The following RUFY2 variants were observed in gnomAD, a reference collection of about 807,000 sequenced individuals.
The protein encoded by RUFY2 is RUN and FYVE domain-containing protein 2.
A neutral mutation model predicts 94.4 loss-of-function variants in RUFY2; 49 were observed. The ratio of observed to expected loss-of-function variants is 0.52; its 90% confidence interval spans 0.41 to 0.66. The LOEUF (loss-of-function observed/expected upper bound fraction) is 0.66. Among genes scored for constraint, RUFY2 ranks in the 30% least tolerant of loss-of-function variants. The pLI, the probability that RUFY2 is intolerant of heterozygous loss-of-function variation, is 0.00. For missense variants in RUFY2, 541 were observed against 692.8 expected (o/e 0.78, Z 2.46); for synonymous variants, 255 against 235.7 (o/e 1.08, Z -0.75).
intron 15 of RUFY2, among the ~76,000 whole-genome samples, chr10:68,356,724 T>A (rs1237575262): frequency 1.3e-5 from 2 of 151,772 alleles, no homozygotes; most frequent in African/African-American, 4.8e-5. Flanking sequence ...AATTTTTGTA[T>A]TTTTAGTAGA....
At chr10:68,342,176 T>C (rs1429958506), downstream of RUFY2, 2 of 645,034 alleles carry the variant, frequency 3.1e-6, no homozygotes, top group Non-Finnish European at 5.1e-6. Flanking sequence ...GTTTTCAAAA[T>C]ATTATTTGGT....
At chr10:68,399,042 T>C (rs78127993) in intron 3 of RUFY2, among the ~76,000 whole-genome samples, 3 of 151,934 alleles carry the variant, frequency 2.0e-5, no homozygotes, top group Non-Finnish European at 4.4e-5. Context: ...TTTTTTTTTT[T>C]CCAATTTTTT....
At chr10:68,372,689 A>G (rs1255778136) in intron 13 of RUFY2, among the ~76,000 whole-genome samples, 2 of 152,004 alleles carry the variant, frequency 1.3e-5, no homozygotes, top group African/African-American at 4.8e-5. Context: ...CAGGAGTTCG[A>G]GATCGTTCTG....
chr10:68,376,885 C>A lies in RUFY2; in HGVS notation c.1293G>T (p.Leu431=). The A allele has an allele frequency of 6.2e-7, 1 of 1,613,706 alleles. No homozygotes were observed. Among genetic ancestry groups the A allele is most frequent in the Non-Finnish European group, 8.5e-7 (1 of 1,179,864 alleles). ...LQECLSKSDS[L]QKQISQKEKQ... is the part of the protein sequence containing the mutation. ...TCTCCTTTTGGGAGATTTGTTTCTG[C>A]AGACTATCAGATTTACTGAGACATT... Residue 431 remains leucine, a synonymous_variant, in exon 13 of 18, where the codon CTG becomes CTT. Transcript: ENST00000602465.
rs148528989 is a variant in RUFY2, at chr10:68,345,619, T to G, written c.*149A>C. ...AATGGGGAAGGAAATATATAACTTG[T>G]AATTTCCATGAGCTGAATATGTAGA... On this transcript the variant is annotated 3_prime_UTR_variant, in exon 18 of 18. Coordinates refer to ENST00000602465, the MANE Select transcript of RUFY2 (RefSeq NM_001330103.2). 1.4e-3 allele frequency: 879 copies of G among 612,094 alleles called. 20 individuals are homozygous for G. In the East Asian group the frequency reaches 0.02, roughly 14 times the overall value. The allele number at this position is 612,094 out of a possible 1,614,324, so 37.9% of individuals were successfully genotyped here.
intron 4 of RUFY2, among the ~76,000 whole-genome samples, chr10:68,395,232 G>A (rs1238259456): frequency 3.3e-5 from 5 of 151,948 alleles, no homozygotes; most frequent in Admixed American, 3.3e-4. Flanking sequence ...CACCTACTCG[G>A]GAGGCTGAGA....
chr10:68,341,688 A>C, downstream of RUFY2: 1 of 1,607,196 alleles, frequency 6.2e-7, no homozygotes, highest in Non-Finnish European at 8.5e-7. Context: ...TGGGTATGTA[A>C]AGTTTTTAAA....
At chr10:68,350,150 C>T (rs1161620541) in intron 16 of RUFY2, among the ~76,000 whole-genome samples, 1 of 152,180 alleles carries the variant, frequency 6.6e-6, no homozygotes, top group Non-Finnish European at 1.5e-5. Flanking sequence ...GCTGGGACTA[C>T]AGGCGCACAC....
chr10:68,370,818 A>G (rs1242339786), intron 13 of RUFY2, among the ~76,000 whole-genome samples: 1 of 152,076 alleles, frequency 6.6e-6, no homozygotes, highest in Non-Finnish European at 1.5e-5. Context: ...CAATCTGAAC[A>G]GGAACCTGTG....
chr10:68,349,432 G>A (rs1201831651), intron 16 of RUFY2, among the ~76,000 whole-genome samples: 1 of 151,968 alleles, frequency 6.6e-6, no homozygotes, highest in East Asian at 1.9e-4. Context: ...AGGGGGGGAG[G>A]ATTGCTTGAA....
In RUFY2 at chr10:68,364,657, C is replaced by T. The variant is rs115644073; in HGVS notation, c.1326-544G>A. 8.1e-3 allele frequency among the ~76,000 whole-genome samples: 1,237 copies of T among 152,048 alleles called. 17 individuals carry two copies. The highest frequency in any genetic ancestry group is 0.028 in the African/African-American group (1,156 of 41,468). On this transcript the variant is annotated intron_variant, in intron 13 of 17. Transcript: ENST00000602465. ...ATTACAGGAAAGACCTAAAACCAAG[C>T]AGACATTGGGGGAAAGTCCACACTG...
rs1019935277 is a variant in RUFY2 at position 68,344,387 on chromosome 10, T to G, written c.*1381A>C. The G allele has an allele frequency of 1.3e-5, 2 of 152,102 alleles. No individual in the cohort carries two copies. Among genetic ancestry groups the G allele is most frequent in the Non-Finnish European group, 2.9e-5 (2 of 68,034 alleles). 9.4% of individuals were successfully genotyped at this position (152,102 alleles called of 1,614,324 possible). On this transcript the variant is annotated 3_prime_UTR_variant, in exon 18 of 18. Transcript: ENST00000602465. ...TGTATTTTTTATAGGCTCACAAACT[T>G]AAAGTGCATGGTTAAAAATTAATGT...
At chr10:68,367,121 T>C (rs987545981) in intron 13 of RUFY2, among the ~76,000 whole-genome samples, 2 of 151,700 alleles carry the variant, frequency 1.3e-5, no homozygotes, top group African/African-American at 4.8e-5. Context: ...TGAGCTGAGA[T>C]TGCGCCACTG....
chr10:68,366,838 TATATA>T (rs1400745136), intron 13 of RUFY2, among the ~76,000 whole-genome samples: 2 of 140,210 alleles, frequency 1.4e-5, no homozygotes, highest in Admixed American at 1.6e-4. Flanking sequence ...ATTATAATAA[TATATA>T]ATATAAATAA....
chr10:68,364,416 A>G (rs2047661617), intron 13 of RUFY2, among the ~76,000 whole-genome samples: 2 of 152,362 alleles, frequency 1.3e-5, no homozygotes, highest in Non-Finnish European at 1.5e-5. Flanking sequence ...GGCACACACC[A>G]TAATATTAAA....
chr10:68,395,115 A>C (rs947865591), intron 4 of RUFY2, among the ~76,000 whole-genome samples: 1 of 151,960 alleles, frequency 6.6e-6, no homozygotes, highest in African/African-American at 2.4e-5. Context: ...AGGCGGGAGG[A>C]TCACTTGAAG....
chr10:68,374,727 A>G (rs2048509823), intron 13 of RUFY2, among the ~76,000 whole-genome samples: 1 of 152,216 alleles, frequency 6.6e-6, no homozygotes, highest in Non-Finnish European at 1.5e-5. Context: ...ATCTGTTAAT[A>G]TAATATGTAA....
At chr10:68,374,690 T>C (rs1006445573) in intron 13 of RUFY2, among the ~76,000 whole-genome samples, 2 of 152,242 alleles carry the variant, frequency 1.3e-5, no homozygotes, top group African/African-American at 2.4e-5. Context: ...TTATACATCA[T>C]ACATGGCATG....
Position 68,355,349 on chromosome 10 carries a change from T to G in RUFY2, c.1599+4A>C, listed in dbSNP as rs2046973532. On this transcript the variant is annotated splice_donor_region_variant and intron_variant, in intron 16 of 17. Coordinates refer to ENST00000602465, the MANE Select transcript of RUFY2 (RefSeq NM_001330103.2). ...TTCCCACTTTAGGAAAACGTTCTAC[T>G]CACCTGCAATGCTTTGTTGGCTTCT... The G allele has an allele frequency of 6.2e-7, 1 of 1,608,754 alleles. No individual in the cohort carries two copies. The highest frequency in any genetic ancestry group is 2.2e-5 in the East Asian group (1 of 44,838).
Sources: gnomAD v4.1 joint callset for allele counts (sites outside exome capture counted in the v4.1 genomes callset) on GRCh38, gnomAD v4.1.1 for gene constraint, MANE v1.5 for transcripts, NCBI Gene and HGNC (gene_info 2026-07-23, HGNC 2026-07-21) for gene names.